Variants in PTPRA observed in about 807,000 individuals in gnomAD.
The protein encoded by PTPRA is receptor-type tyrosine-protein phosphatase alpha.
A neutral mutation model predicts 104.8 loss-of-function variants in PTPRA; 25 were observed. The ratio of observed to expected loss-of-function variants is 0.24; its 90% CI spans 0.17 to 0.33. PTPRA has a LOEUF of 0.33. Ranked by LOEUF, PTPRA falls within the 10% of genes least tolerant of loss-of-function variation. The probability of loss-of-function intolerance (pLI) is 1.00; values close to 1 mark genes in which losing one functional copy is unlikely to be tolerated. For synonymous variants in PTPRA, 323 were observed against 368.9 expected, an observed-to-expected ratio of 0.88 and a Z score of 1.43; for missense variants, 765 against 1,015.3, an observed-to-expected ratio of 0.75 and a Z score of 3.35.
At chr20:2,900,327 T>A (rs2059184320) in intron 1 of PTPRA, among the ~76,000 whole-genome samples, 1 of 152,096 alleles carries the variant, frequency 6.6e-6, no homozygotes, top group Non-Finnish European at 1.5e-5. Flanking sequence ...TTGTCCTTTT[T>A]ACTCACCTTC....
At chr20:3,023,076 A>G (rs923354031) in intron 16 of PTPRA, among the ~76,000 whole-genome samples, 5 of 152,188 alleles carry the variant, frequency 3.3e-5, no homozygotes, top group South Asian at 2.1e-4. Flanking sequence ...CCTAGCCCCA[A>G]CCCTGTGCTC....
At chr20:3,021,519 G>A in intron 14 of PTPRA, 91 bp downstream of exon 14, 1 of 1,529,232 alleles carries the variant, frequency 6.5e-7, no homozygotes, top group Non-Finnish European at 8.9e-7. Context: ...GTGGTCAGGA[G>A]TTGCTGAGTA....
At chr20:2,864,895 A>T in the PTPRA span, 1 of 1,580,114 alleles carries the variant, frequency 6.3e-7, no homozygotes, top group Non-Finnish European at 8.7e-7. This position sits in a 1 kb window ranked among gnomAD's most constrained non-coding sequence, Gnocchi z 5.2. Flanking sequence ...GGGCACAGGG[A>T]TGGGGGAGAA....
At chr20:2,882,280 T>TTTTC (rs1161450934) in intron 1 of PTPRA, among the ~76,000 whole-genome samples, 1 of 149,608 alleles carries the variant, frequency 6.7e-6, no homozygotes, top group Non-Finnish European at 1.5e-5. Flanking sequence ...CTTTTTTTTC[T>TTTTC]TTTCTTTCTT....
intron 1 of PTPRA, among the ~76,000 whole-genome samples, chr20:2,893,638 G>T (rs569451102): frequency 6.6e-6 from 1 of 151,938 alleles, no homozygotes; most frequent in African/African-American, 2.4e-5. Flanking sequence ...TTGTCAGCTG[G>T]TTATTTATTG....
At chr20:3,025,868 C>CAA (rs560575967) in intron 17 of PTPRA, among the ~76,000 whole-genome samples, 6 of 67,956 alleles carry the variant, frequency 8.8e-5, no homozygotes, top group Middle Eastern at 0.011. Context: ...GACTCTGTCT[C>CAA]AAAAAAAAAA....
intron 18 of PTPRA, among the ~76,000 whole-genome samples, 156 bp from the exon 19 acceptor site, chr20:3,026,965 C>A (rs745325726): frequency 6.6e-6 from 1 of 152,180 alleles, no homozygotes; most frequent in Admixed American, 6.5e-5. Context: ...CTGGAAATAA[C>A]GTAAAAGCCA....
intron 1 of PTPRA, among the ~76,000 whole-genome samples, chr20:2,900,361 A>G (rs879505718): frequency 6.6e-6 from 1 of 151,974 alleles, no homozygotes; most frequent in Non-Finnish European, 1.5e-5. Flanking sequence ...TCTCCTGACT[A>G]TGTAGGCCAT....
At chr20:3,012,993 TA>T (rs1487416768) in intron 11 of PTPRA, among the ~76,000 whole-genome samples, 1 of 152,208 alleles carries the variant, frequency 6.6e-6, no homozygotes, top group Admixed American at 6.5e-5. Context: ...TTTTTTTAAG[TA>T]TATTCACATA....
chr20:2,972,006 TGTATTTTA>T (rs1424126801), intron 5 of PTPRA, among the ~76,000 whole-genome samples: 2 of 152,016 alleles, frequency 1.3e-5, no homozygotes, highest in African/African-American at 4.8e-5. Context: ...GCTAATTTTT[TGTATTTTA>T]GTAGAGACGT....
intron 3 of PTPRA, among the ~76,000 whole-genome samples, chr20:2,957,507 A>G (rs1471477192): frequency 1.3e-5 from 2 of 152,262 alleles, no homozygotes; most frequent in African/African-American, 2.4e-5. Context: ...AGATTTGGCT[A>G]TGAAGCAGAG....
the PTPRA span, among the ~76,000 whole-genome samples, chr20:2,867,248 T>C: frequency 0.026 from 3,991 of 152,182 alleles, 163 homozygotes; most frequent in Admixed American, 0.098. Context: ...ACTGCAGTGG[T>C]GATTGGAGGA....
chr20:2,918,021 G>T, intron 1 of PTPRA, among the ~76,000 whole-genome samples: 1 of 147,450 alleles, frequency 6.8e-6, no homozygotes, highest in Non-Finnish European at 1.5e-5. Context: ...CCGGGTGGCA[G>T]AGGTTTCAGT....
intron 1 of PTPRA, among the ~76,000 whole-genome samples, chr20:2,874,284 A>G (rs951399196): frequency 1.3e-5 from 2 of 152,174 alleles, no homozygotes; most frequent in African/African-American, 4.8e-5. Context: ...AGAGCTGCCC[A>G]GAATTCAGAA....
At chr20:2,963,326 A>G (rs1408900160) in intron 3 of PTPRA, among the ~76,000 whole-genome samples, 1 of 152,088 alleles carries the variant, frequency 6.6e-6, no homozygotes, top group East Asian at 1.9e-4. Context: ...TTTGGTCCAG[A>G]TGTGATGACT....
intron 2 of PTPRA, among the ~76,000 whole-genome samples, chr20:2,941,076 G>T (rs1453877472): frequency 6.6e-6 from 1 of 151,904 alleles, no homozygotes; most frequent in African/African-American, 2.4e-5. Context: ...TGTCACCCAG[G>T]CTGGAGTTCA....
chr20:2,894,988 CAAAAAA>C (rs58817434), intron 1 of PTPRA, among the ~76,000 whole-genome samples: 1 of 104,470 alleles, frequency 9.6e-6, no homozygotes, highest in Non-Finnish European at 2.0e-5. Flanking sequence ...CTCCTTCACC[CAAAAAA>C]AAAAAAAAAA....
intron 1 of PTPRA, among the ~76,000 whole-genome samples, chr20:2,904,467 G>A (rs781338730): frequency 3.3e-5 from 5 of 151,842 alleles, no homozygotes; most frequent in Admixed American, 2.0e-4. Flanking sequence ...TCAGGAGATC[G>A]AGACCATCCT....
chr20:2,971,948 C>T (rs767240549), intron 5 of PTPRA, among the ~76,000 whole-genome samples: 5 of 152,120 alleles, frequency 3.3e-5, no homozygotes, highest in Non-Finnish European at 7.4e-5. Flanking sequence ...GATTCCCCTG[C>T]CTCAGCCTCC....
Sources: allele counts gnomAD v4.1 joint callset (sites outside exome capture counted in the v4.1 genomes callset), GRCh38; gene constraint gnomAD v4.1.1; non-coding constraint Gnocchi (gnomAD v3.1); transcripts MANE v1.5; gene names NCBI Gene and HGNC (gene_info 2026-07-23, HGNC 2026-07-21).